FANCC: variants seen among roughly 807,000 people sequenced by gnomAD.
FANCC encodes the protein FA complementation group C.
A neutral mutation model predicts 71.3 loss-of-function variants in FANCC; 55 were observed. That is an observed-to-expected ratio of 0.77 (90% CI 0.62 to 0.97). FANCC has a LOEUF of 0.97. Ranked by LOEUF, FANCC falls within the 50% of genes least tolerant of loss-of-function variation. The pLI, the probability that FANCC is intolerant of heterozygous loss-of-function variation, is 0.00. For synonymous variants in FANCC, 275 were observed against 244.9 expected, an observed-to-expected ratio of 1.12 and a Z score of -1.15; for missense variants, 678 against 670.9, an observed-to-expected ratio of 1.01 and a Z score of -0.12.
chr9:95,112,132 A>AGTT (rs2134567354), intron 12 of FANCC, among the ~76,000 whole-genome samples: 1 of 152,370 alleles, frequency 6.6e-6, no homozygotes, highest in South Asian at 2.1e-4. Context: ...AATGCCAGAA[A>AGTT]GTTGAAGTGT....
At chr9:95,255,776 C>T (rs1452451076) in intron 1 of FANCC, among the ~76,000 whole-genome samples, 2 of 151,728 alleles carry the variant, frequency 1.3e-5, no homozygotes, top group Non-Finnish European at 2.9e-5. Flanking sequence ...TTTTTTAACC[C>T]AATGCAAGGA....
intron 1 of FANCC, among the ~76,000 whole-genome samples, chr9:95,263,422 C>T (rs1331516599): frequency 6.6e-6 from 1 of 151,564 alleles, no homozygotes; most frequent in Non-Finnish European, 1.5e-5. Flanking sequence ...GTTCTCAGGG[C>T]CCATTTACAT....
At chr9:95,246,809 C>CA (rs1210701481) in intron 3 of FANCC, among the ~76,000 whole-genome samples, 1 of 152,164 alleles carries the variant, frequency 6.6e-6, no homozygotes, top group Non-Finnish European at 1.5e-5. Context: ...TGGCTACCAC[C>CA]ATGAGGTATA....
intron 1 of FANCC, among the ~76,000 whole-genome samples, chr9:95,270,605 G>T (rs560422244): frequency 6.6e-6 from 1 of 152,332 alleles, no homozygotes; most frequent in East Asian, 1.9e-4. Context: ...GGCAGCAGTC[G>T]CAGGGAGGAT....
chr9:95,302,567 C>T (rs1022234911), intron 1 of FANCC, among the ~76,000 whole-genome samples: 1 of 152,190 alleles, frequency 6.6e-6, no homozygotes, highest in Non-Finnish European at 1.5e-5. Flanking sequence ...CGAGAAATTC[C>T]AGAATGTAGG....
chr9:95,101,296 G>A lies in FANCC; in HGVS notation c.*411C>T. On this transcript the variant is annotated 3_prime_UTR_variant, in exon 15 of 15. Transcript: ENST00000289081. The stretch of plus-strand genomic sequence containing the variant: ...CTAAAAAGAGTCTAAAAAGAGCTAA[G>A]TTCTCTCTAAATTCTTTAATGGTTC... 3.1e-6 allele frequency: 1 copy of A among 324,190 alleles called. No individual in the cohort carries two copies. The highest frequency in any genetic ancestry group is 5.8e-6 in the Non-Finnish European group (1 of 172,804). 20.1% of individuals were successfully genotyped at this position (324,190 alleles called of 1,614,324 possible).
chr9:95,121,035 T>C (rs995338373), intron 10 of FANCC, among the ~76,000 whole-genome samples: 4 of 152,166 alleles, frequency 2.6e-5, no homozygotes, highest in African/African-American at 9.7e-5. Context: ...TGATGTCCCT[T>C]TAAAGGGCTG....
intron 6 of FANCC, among the ~76,000 whole-genome samples, chr9:95,157,117 G>A (rs1438707496): frequency 7.0e-6 from 1 of 143,598 alleles, no homozygotes; most frequent in Non-Finnish European, 1.6e-5. Flanking sequence ...ATGCTATGCT[G>A]TTTTCCTGTG....
chr9:95,183,403 A>C (rs901112330), intron 4 of FANCC, among the ~76,000 whole-genome samples: 2 of 152,242 alleles, frequency 1.3e-5, no homozygotes, highest in Non-Finnish European at 2.9e-5. Context: ...GGAGCCACAC[A>C]ATAGTCATTC....
chr9:95,137,116 A>G (rs1354096576), intron 7 of FANCC, among the ~76,000 whole-genome samples: 1 of 152,190 alleles, frequency 6.6e-6, no homozygotes, highest in African/African-American at 2.4e-5. Context: ...TAAGCCTCCC[A>G]CCGACCCAAC....
intron 6 of FANCC, among the ~76,000 whole-genome samples, chr9:95,168,172 CTT>C (rs1390123794): frequency 3.3e-5 from 5 of 152,204 alleles, no homozygotes; most frequent in East Asian, 1.9e-4. Flanking sequence ...GCTGAGCTCT[CTT>C]GTTCCAAACT....
intron 4 of FANCC, among the ~76,000 whole-genome samples, chr9:95,236,282 A>G (rs1025182007): frequency 1.3e-5 from 2 of 152,214 alleles, no homozygotes; most frequent in African/African-American, 4.8e-5. Flanking sequence ...ATCTGAGAAC[A>G]GACTGTCTTT....
intron 6 of FANCC, among the ~76,000 whole-genome samples, chr9:95,163,427 A>T (rs905573574): frequency 2.0e-5 from 3 of 152,128 alleles, no homozygotes; most frequent in Non-Finnish European, 4.4e-5. Flanking sequence ...GTACTTTGAG[A>T]TTCTATATAC....
chr9:95,238,588 CAG>C (rs1443047658), intron 4 of FANCC, among the ~76,000 whole-genome samples: 1 of 151,238 alleles, frequency 6.6e-6, no homozygotes, highest in Non-Finnish European at 1.5e-5. Flanking sequence ...TTTTTTGAGA[CAG>C]AGTCTCGCTC....
At chr9:95,292,545 C>A in intron 1 of FANCC, 1 of 1,486,106 alleles carries the variant, frequency 6.7e-7, no homozygotes, top group Non-Finnish European at 9.1e-7. Context: ...GCTGATCCAG[C>A]AGTAGGTGAG....
In FANCC at chr9:95,252,597, T is replaced by C. The variant is rs188487047; in HGVS notation, c.-78-3228A>G. ...CCATCTCTACTAAAAATACAAAAAA[T>C]TAGCCAGGCGTGGTGGTGGGCGCCT... On this transcript the variant is annotated intron_variant, in intron 1 of 14. Transcript: ENST00000289081. Among the ~76,000 whole-genome samples the C allele has an allele frequency of 8.7e-3, 1,320 of 151,554 alleles. 23 individuals are homozygous for C. The highest frequency in any genetic ancestry group is 0.03 in the African/African-American group (1,255 of 41,302).
At chr9:95,147,218 A>C (rs1448959708) in intron 7 of FANCC, among the ~76,000 whole-genome samples, 1 of 152,194 alleles carries the variant, frequency 6.6e-6, no homozygotes, top group Non-Finnish European at 1.5e-5. Flanking sequence ...CAGATGTTTC[A>C]TCAAGAAAAG....
At chr9:95,153,728 C>T (rs1301432782) in intron 6 of FANCC, among the ~76,000 whole-genome samples, 3 of 152,118 alleles carry the variant, frequency 2.0e-5, no homozygotes, top group African/African-American at 7.2e-5. Flanking sequence ...TTGTCAGATG[C>T]ATAGTTTGCA....
intron 1 of FANCC, among the ~76,000 whole-genome samples, chr9:95,308,562 A>G (rs1020168950): frequency 6.6e-6 from 1 of 152,116 alleles, no homozygotes; most frequent in African/African-American, 2.4e-5. Flanking sequence ...CTGGGATTAC[A>G]GGCAGGAGCT....
Sources: allele counts gnomAD v4.1 joint callset (sites outside exome capture counted in the v4.1 genomes callset), GRCh38; gene constraint gnomAD v4.1.1; transcripts MANE v1.5; gene names NCBI Gene and HGNC (gene_info 2026-07-23, HGNC 2026-07-21).